VIRMA: variants seen among roughly 807,000 people sequenced by gnomAD.
VIRMA encodes the protein protein virilizer homolog.
Under a neutral mutation model 182.4 loss-of-function variants are expected in VIRMA, and 65 were observed. The observed-to-expected ratio is 0.36, with a 90% CI of 0.29 to 0.44. VIRMA has a LOEUF of 0.44. VIRMA is among the 20% of genes least tolerant of loss of function. The probability of loss-of-function intolerance (pLI) is 1.00; values close to 1 mark genes in which losing one functional copy is unlikely to be tolerated. For missense variants in VIRMA, 1,752 were observed against 2,158.1 expected (o/e 0.81, Z 3.73); for synonymous variants, 709 against 743.1 (o/e 0.95, Z 0.75).
chr8:94,509,250 A>T (rs930828196), intron 15 of VIRMA, among the ~76,000 whole-genome samples: 3 of 151,920 alleles, frequency 2.0e-5, no homozygotes, highest in African/African-American at 7.3e-5. Flanking sequence ...AAAATACAAA[A>T]ATTAGCCAGG....
chr8:94,548,570 T>C lies in VIRMA; in HGVS notation c.64-4628A>G, dbSNP rs546021115. Among the ~76,000 whole-genome samples, 6 of 151,462 alleles carry C rather than the reference T, an allele frequency of 4.0e-5. No individual in the cohort carries two copies. The East Asian group carries it at 7.7e-4, about 19-fold the overall frequency. On this transcript the variant is annotated intron_variant, in intron 1 of 23. Coordinates refer to ENST00000297591, the MANE Select transcript of VIRMA (RefSeq NM_015496.5). The stretch of plus-strand genomic sequence containing the variant: ...TACTTGTTTACCAAATAACCTTGCT[T>C]AAATCTGATTTTAACTTAAACAACT...
At chr8:94,508,915 A>C (rs1200725616) in intron 15 of VIRMA, among the ~76,000 whole-genome samples, 1 of 152,186 alleles carries the variant, frequency 6.6e-6, no homozygotes, top group African/African-American at 2.4e-5. Flanking sequence ...GGGCTTTAAA[A>C]GCTAAAACAA....
intron 23 of VIRMA, 128 bp from the exon 24 acceptor site, chr8:94,488,988 C>T (rs1019355658): frequency 1.2e-5 from 12 of 963,946 alleles, no homozygotes; most frequent in Admixed American, 5.8e-5. Context: ...CGTGCAAGCA[C>T]GGTGAATGGG....
intron 4 of VIRMA, among the ~76,000 whole-genome samples, chr8:94,535,615 T>C (rs1048618502): frequency 6.6e-6 from 1 of 152,080 alleles, no homozygotes; most frequent in African/African-American, 2.4e-5. Context: ...AAACCTCGTC[T>C]CTACTAAAAT....
chr8:94,532,737 A>G (rs539093279), intron 5 of VIRMA, among the ~76,000 whole-genome samples: 1 of 152,222 alleles, frequency 6.6e-6, no homozygotes, highest in East Asian at 1.9e-4. Context: ...GGCTGAGACA[A>G]GAGGATCACT....
chr8:94,538,110 A>G, intron 3 of VIRMA, 150 bp downstream of exon 3: 1 of 614,308 alleles, frequency 1.6e-6, no homozygotes, highest in Non-Finnish European at 2.9e-6. Flanking sequence ...TAGGAGTTTG[A>G]CATTTCTTTA....
chr8:94,500,688 G>A (rs770813873), intron 16 of VIRMA, among the ~76,000 whole-genome samples: 6 of 144,580 alleles, frequency 4.1e-5, no homozygotes, highest in Middle Eastern at 7.4e-3. Flanking sequence ...CGGAGTCTCC[G>A]GTAGTTTCTT....
chr8:94,504,718 G>A (rs1814097040), intron 16 of VIRMA, among the ~76,000 whole-genome samples: 1 of 152,172 alleles, frequency 6.6e-6, no homozygotes, highest in South Asian at 2.1e-4. Flanking sequence ...AGCTACAGAG[G>A]TGGAGAAGAG....
At chr8:94,528,030 C>T (rs894435757) in intron 7 of VIRMA, among the ~76,000 whole-genome samples, 3 of 151,830 alleles carry the variant, frequency 2.0e-5, no homozygotes, top group Admixed American at 6.6e-5. Context: ...GTCAGGAGTC[C>T]GAGACCAGCC....
chr8:94,544,484 C>G (rs1815690428), intron 1 of VIRMA, among the ~76,000 whole-genome samples: 1 of 151,564 alleles, frequency 6.6e-6, no homozygotes, highest in Admixed American at 6.6e-5. Context: ...CCCGGTGAAA[C>G]CCCGTCTCTA....
At chr8:94,524,265 C>T (rs773299234) in intron 8 of VIRMA, among the ~76,000 whole-genome samples, 1 of 151,804 alleles carries the variant, frequency 6.6e-6, no homozygotes, top group Non-Finnish European at 1.5e-5. Flanking sequence ...TCCCAAAGTG[C>T]TGGGATTATA....
At chr8:94,524,227 G>A (rs932288536) in intron 8 of VIRMA, among the ~76,000 whole-genome samples, 4 of 152,102 alleles carry the variant, frequency 2.6e-5, no homozygotes, top group Non-Finnish European at 4.4e-5. Context: ...TTGAACTCTC[G>A]ACCTCAGGTG....
chr8:94,493,742 G>A (rs546953216), intron 20 of VIRMA, among the ~76,000 whole-genome samples: 13 of 152,298 alleles, frequency 8.5e-5, no homozygotes, highest in African/African-American at 3.1e-4. Flanking sequence ...AAATACAAAT[G>A]TGAAGCAAAT....
intron 16 of VIRMA, among the ~76,000 whole-genome samples, chr8:94,499,970 A>G (rs190150572): frequency 2.3e-4 from 35 of 151,112 alleles, no homozygotes; most frequent in African/African-American, 8.5e-4. Context: ...AGAATCACTT[A>G]AACGATTGGG....
In VIRMA at chr8:94,488,410, T is replaced by C. The variant is rs548990776; in HGVS notation, c.*296A>G. ...AAATAGTGTCATGAGCTGAGAAAGT[T>C]TGAGAATATCTGTGCTATAGGCAAG... On this transcript the variant is annotated 3_prime_UTR_variant, in exon 24 of 24. Coordinates refer to ENST00000297591, the MANE Select transcript of VIRMA (RefSeq NM_015496.5). 2.9e-5 allele frequency: 7 copies of C among 237,360 alleles called. No individual in the cohort carries two copies. Among genetic ancestry groups the C allele is most frequent in the Admixed American group, 9.9e-5 (2 of 20,162 alleles). 14.7% of individuals were successfully genotyped at this position (237,360 alleles called of 1,614,324 possible). A position where few individuals can be genotyped will look rare whatever the true frequency, so the allele number is the denominator to read the frequency against.
intron 6 of VIRMA, 54 bp downstream of exon 6, chr8:94,530,909 C>T: frequency 1.3e-6 from 2 of 1,565,352 alleles, no homozygotes; most frequent in South Asian, 2.4e-5. Flanking sequence ...AAAACAAAAA[C>T]AAAAATGTAC....
intron 8 of VIRMA, among the ~76,000 whole-genome samples, chr8:94,520,864 T>C (rs553231431): frequency 1.1e-4 from 17 of 152,236 alleles, no homozygotes; most frequent in Admixed American, 4.6e-4. Context: ...TTTCAAATTG[T>C]CAATTTTTAA....
At chr8:94,532,586 T>C (rs1815206860) in intron 5 of VIRMA, among the ~76,000 whole-genome samples, 1 of 152,190 alleles carries the variant, frequency 6.6e-6, no homozygotes, top group Non-Finnish European at 1.5e-5. Context: ...ATAAAAGATG[T>C]TATCACTGGG....
rs756976425 is a variant in VIRMA at position 94,546,894 on chromosome 8, C to G, written c.64-2952G>C. On this transcript the variant is annotated intron_variant, in intron 1 of 23. Transcript: ENST00000297591. ...AAGCCAAATTCCTAGGTCTTATAAA[C>G]AAGACTGGCTTCTTTATTGCTCCAA... 3 of 455,504 alleles carry G rather than the reference C, an allele frequency of 6.6e-6. 1 individual carries two copies. The highest frequency in any genetic ancestry group is 6.1e-5 in the African/African-American group (3 of 48,828). The allele number at this position is 455,504 out of a possible 1,614,324, so 28.2% of individuals were successfully genotyped here.
Sources: allele counts gnomAD v4.1 joint callset (sites outside exome capture counted in the v4.1 genomes callset), GRCh38; gene constraint gnomAD v4.1.1; transcripts MANE v1.5; gene names NCBI Gene and HGNC (gene_info 2026-07-23, HGNC 2026-07-21).